Variants in DENND4C observed in about 807,000 individuals in gnomAD.
DENND4C encodes DENN domain-containing protein 4C.
A neutral mutation model predicts 203.0 loss-of-function variants in DENND4C; 108 were observed. The observed-to-expected ratio is 0.53, with a 90% CI of 0.46 to 0.62. The LOEUF is 0.62. Ranked by LOEUF, DENND4C falls within the 20% of genes least tolerant of loss-of-function variation. The pLI, the probability that DENND4C is intolerant of heterozygous loss-of-function variation, is 0.00. For synonymous variants in DENND4C, 871 were observed against 792.4 expected (o/e 1.10, Z -1.67); for missense variants, 2,481 against 2,301.2 (o/e 1.08, Z -1.60).
rs760210834 is a variant in DENND4C, at chr9:19,358,180, T to C, written c.5160+20T>C. ...GTTGTGGTATGTAACAACAACAACA[T>C]TGTAATTATACTGCATACACACCTA... On this transcript the variant is annotated intron_variant, in intron 28 of 32. Coordinates refer to ENST00000434457, the MANE Select transcript of DENND4C (RefSeq NM_001330640.2). This position sits in a 1 kb window ranked among gnomAD's most constrained non-coding sequence, Gnocchi z 4.8. 5 of 1,598,510 alleles carry C rather than the reference T, an allele frequency of 3.1e-6. No individual in the cohort carries two copies. Among genetic ancestry groups the C allele is most frequent in the Non-Finnish European group, 4.3e-6 (5 of 1,167,262 alleles).
At chr9:19,337,717 T>TG (rs990285607) in intron 20 of DENND4C, 41 of 1,152,952 alleles carry the variant, frequency 3.6e-5, no homozygotes, top group Non-Finnish European at 4.6e-5. Flanking sequence ...CCTGCAAGGG[T>TG]GGGGGAAAGA....
intron 2 of DENND4C, among the ~76,000 whole-genome samples, chr9:19,283,340 G>A (rs1339620061): frequency 6.6e-6 from 1 of 152,038 alleles, no homozygotes. Context: ...TGATAAGAAT[G>A]CCTTCTGGAA....
intron 1 of DENND4C, among the ~76,000 whole-genome samples, chr9:19,251,488 C>G (rs1426031191): frequency 6.6e-6 from 1 of 152,244 alleles, no homozygotes; most frequent in African/African-American, 2.4e-5. Flanking sequence ...TAACATTCCA[C>G]TCTTCGTTAC....
At chr9:19,256,114 G>C (rs1827856613) in intron 1 of DENND4C, among the ~76,000 whole-genome samples, 1 of 151,260 alleles carries the variant, frequency 6.6e-6, no homozygotes, top group African/African-American at 2.4e-5. Context: ...CAGATTCTTA[G>C]CCATAAAACA....
At chr9:19,244,453 T>TG (rs1824600213) in intron 1 of DENND4C, among the ~76,000 whole-genome samples, 1 of 151,836 alleles carries the variant, frequency 6.6e-6, no homozygotes, top group African/African-American at 2.4e-5. Context: ...TAAAAGTAGT[T>TG]GCCTTGGCCG....
chr9:19,367,154 A>G (rs576063049), intron 30 of DENND4C, among the ~76,000 whole-genome samples: 1 of 152,326 alleles, frequency 6.6e-6, no homozygotes, highest in Non-Finnish European at 1.5e-5. Context: ...ATAACACTTC[A>G]TACTTACTAG....
rs375635728 is a variant in DENND4C at position 19,309,124 on chromosome 9, T to C, written c.1487+3597T>C. Among the ~76,000 whole-genome samples, 62 of 152,216 alleles carry C rather than the reference T, an allele frequency of 4.1e-4. 1 individual carries two copies. The South Asian group carries it at 0.011, about 28-fold the overall frequency. On this transcript the variant is annotated intron_variant, in intron 10 of 32. Transcript: ENST00000434457. ...ATTTCTTTTTGAGGTGATAAAAATA[T>C]TCTAAAATTGCTTGTAGGCCGGGAG...
In DENND4C at chr9:19,358,453, C is replaced by G. The variant is rs1202888030; in HGVS notation, c.5160+293C>G. The stretch of plus-strand genomic sequence containing the variant: ...AGATTATTTTGAAGCAAATTTCAAA[C>G]ATCACATATTCTGTTAGTAAATATT... On this transcript the variant is annotated intron_variant, in intron 28 of 32. Coordinates refer to ENST00000434457, the MANE Select transcript of DENND4C (RefSeq NM_001330640.2). This position sits in a 1 kb window ranked among gnomAD's most constrained non-coding sequence, Gnocchi z 4.8. Among the ~76,000 whole-genome samples, 8 of 152,074 alleles carry G rather than the reference C, an allele frequency of 5.3e-5. No homozygotes were observed. Among genetic ancestry groups the G allele is most frequent in the Admixed American group, 3.3e-4 (5 of 15,276 alleles).
rs1825114595 is a variant in DENND4C at position 19,245,865 on chromosome 9, A to AAT, written c.-18+15033_-18+15034insTA. Among the ~76,000 whole-genome samples, 2 of 152,144 alleles carry AAT rather than the reference A, an allele frequency of 1.3e-5. 1 individual carries two copies. Among genetic ancestry groups the AAT allele is most frequent in the Non-Finnish European group, 2.9e-5 (2 of 68,016 alleles). ...AGCGAGACTCCGTCTCAAAAAAAAA[A>AAT]AAAAAAATTGTAAGCATCTAACTCT... On this transcript the variant is annotated intron_variant, in intron 1 of 32. Transcript: ENST00000434457.
intron 30 of DENND4C, among the ~76,000 whole-genome samples, chr9:19,369,065 G>A (rs963171152): frequency 1.3e-5 from 2 of 152,124 alleles, no homozygotes; most frequent in African/African-American, 4.8e-5. Flanking sequence ...AGGGAGGACT[G>A]CTTGAGCCCA....
intron 26 of DENND4C, among the ~76,000 whole-genome samples, chr9:19,355,318 T>C (rs1296402156): frequency 3.9e-5 from 6 of 152,234 alleles, no homozygotes; most frequent in African/African-American, 1.4e-4. Flanking sequence ...CCATTAATTT[T>C]TTACCTTGCA....
chr9:19,333,514 A>G (rs1819750149), intron 17 of DENND4C, among the ~76,000 whole-genome samples: 1 of 152,312 alleles, frequency 6.6e-6, no homozygotes, highest in South Asian at 2.1e-4. Flanking sequence ...ATGACAATCA[A>G]AAATGTTCCC....
At chr9:19,262,008 A>G (rs1189633283) in intron 1 of DENND4C, among the ~76,000 whole-genome samples, 1 of 150,892 alleles carries the variant, frequency 6.6e-6, no homozygotes, top group African/African-American at 2.4e-5. Context: ...TGACATATGG[A>G]AATACTGATT....
intron 2 of DENND4C, among the ~76,000 whole-genome samples, chr9:19,279,412 C>T (rs1457388589): frequency 6.7e-5 from 10 of 149,138 alleles, no homozygotes; most frequent in African/African-American, 2.2e-4. Flanking sequence ...TGGTGGTTCA[C>T]GCCTGTAATC....
rs149360825 is a variant in DENND4C, at chr9:19,266,969, G to A, written c.-17-9189G>A. ...TCTTTTTTATCACATCGTGGTCAGA[G>A]ACCTATTTGACGTACTTTCAGTTTT... On this transcript the variant is annotated intron_variant, in intron 1 of 32. Coordinates refer to ENST00000434457, the MANE Select transcript of DENND4C (RefSeq NM_001330640.2). Among the ~76,000 whole-genome samples the A allele has an allele frequency of 3.1e-4, 47 of 152,206 alleles. No homozygotes were observed. The East Asian group carries it at 8.5e-3, about 27-fold the overall frequency.
chr9:19,304,043 T>G (rs1441951773), intron 9 of DENND4C, among the ~76,000 whole-genome samples: 1 of 145,978 alleles, frequency 6.9e-6, no homozygotes, highest in Non-Finnish European at 1.5e-5. Flanking sequence ...AAAACCTGTC[T>G]TTTTTAAAAA....
At chr9:19,233,659 G>C (rs10964057) in intron 1 of DENND4C, among the ~76,000 whole-genome samples, 4 of 93,430 alleles carry the variant, frequency 4.3e-5, no homozygotes, top group South Asian at 4.4e-4. Flanking sequence ...CTCCCAGATT[G>C]AAGCGATTCT....
rs1341164490 is a variant in DENND4C, at chr9:19,276,446, G to C, written c.272G>C (p.Arg91Thr). The change falls in exon 2 of 33, where the codon AGA becomes ACA. Residue 91 changes from arginine (R) to threonine (T), a missense_variant. Physicochemically the swap from Arg to Thr is moderately conservative, Grantham distance 71. Transcript: ENST00000434457. Reference protein sequence around the residue: ...KSPELFLCYKRGRDKPPLTDI... With the variant: ...KSPELFLCYKTGRDKPPLTDI... ...CCAGAACTTTTCCTCTGTTATAAGA[G>C]AGGGAGAGATAAACCACCGCTTACA... is the stretch of plus-strand genomic sequence containing the variant. The C allele has an allele frequency of 4.1e-6, 5 of 1,231,980 alleles. No homozygotes were observed. In the African/African-American group the frequency reaches 7.8e-5, roughly 19 times the overall value. 76.3% of individuals were successfully genotyped at this position (1,231,980 alleles called of 1,614,324 possible).
At chr9:19,292,831 C>A (rs547610210) in intron 5 of DENND4C, among the ~76,000 whole-genome samples, 21 of 152,192 alleles carry the variant, frequency 1.4e-4, no homozygotes, top group African/African-American at 4.6e-4. Flanking sequence ...CAGGTGTCAG[C>A]CAATGCGCCC....
Sources: gnomAD v4.1 joint callset for allele counts (sites outside exome capture counted in the v4.1 genomes callset) on GRCh38, gnomAD v4.1.1 for gene constraint, Gnocchi (gnomAD v3.1) non-coding constraint, MANE v1.5 for transcripts, NCBI Gene and HGNC (gene_info 2026-07-23, HGNC 2026-07-21) for gene names.